CSMD1: variants seen among roughly 807,000 people sequenced by gnomAD.
CSMD1 encodes CUB and sushi domain-containing protein 1.
In CSMD1, 213 loss-of-function variants were observed where a neutral mutation model predicts 417.5. The observed-to-expected ratio is 0.51, with a 90% CI of 0.46 to 0.57. CSMD1 has a LOEUF of 0.57. Ranked by LOEUF, CSMD1 falls within the 20% of genes least tolerant of loss-of-function variation. The pLI is 0.00. For synonymous variants in CSMD1, 2,862 were observed against 1,736.8 expected, an observed-to-expected ratio of 1.65 and a Z score of -16.11; for missense variants, 6,923 against 4,529.7, an observed-to-expected ratio of 1.53 and a Z score of -15.17.
At chr8:4,788,782 T>C (rs550892853) in intron 1 of CSMD1, among the ~76,000 whole-genome samples, 43 of 152,178 alleles carry the variant, frequency 2.8e-4, no homozygotes, top group African/African-American at 9.7e-4. Context: ...AGGGAAACTA[T>C]CATGCTTAAC....
At chr8:4,897,163 G>C (rs1353577962) in intron 1 of CSMD1, among the ~76,000 whole-genome samples, 3 of 152,038 alleles carry the variant, frequency 2.0e-5, no homozygotes, top group Non-Finnish European at 4.4e-5. Context: ...TATCTCCCGA[G>C]TGCAGAAGAG....
At chr8:3,968,165 T>G (rs1812817945) in intron 5 of CSMD1, among the ~76,000 whole-genome samples, 1 of 150,510 alleles carries the variant, frequency 6.6e-6, no homozygotes, top group Non-Finnish European at 1.5e-5. Context: ...CCAGCCTGGG[T>G]GACAGAGCGA....
chr8:4,918,538 A>C (rs1399844234), intron 1 of CSMD1, among the ~76,000 whole-genome samples: 1 of 152,202 alleles, frequency 6.6e-6, no homozygotes, highest in Admixed American at 6.5e-5. Context: ...AATGTGAAAA[A>C]AAAAGCCAAT....
chr8:3,926,026 C>CACACACACACAAACACCATAT (rs1563217933), intron 5 of CSMD1, among the ~76,000 whole-genome samples: 2 of 125,328 alleles, frequency 1.6e-5, no homozygotes, highest in East Asian at 5.0e-4. Flanking sequence ...CACACACACA[C>CACACACACACAAACACCATAT]ACACACACAC....
chr8:3,697,192 A>G (rs1247572734), intron 7 of CSMD1, among the ~76,000 whole-genome samples: 1 of 152,176 alleles, frequency 6.6e-6, no homozygotes, highest in Admixed American at 6.6e-5. Flanking sequence ...CTAAATTATC[A>G]AGTCTGGGCA....
intron 3 of CSMD1, among the ~76,000 whole-genome samples, chr8:4,054,443 G>C (rs534417719): frequency 3.1e-4 from 47 of 152,126 alleles, no homozygotes; most frequent in Non-Finnish European, 5.3e-4. Context: ...TTGTATGGGA[G>C]AGAAGCAAAC....
At chr8:3,790,152 T>C (rs1799656737) in intron 5 of CSMD1, among the ~76,000 whole-genome samples, 2 of 152,248 alleles carry the variant, frequency 1.3e-5, no homozygotes, top group African/African-American at 4.8e-5. Context: ...TTGGCTCACA[T>C]GCCGTTTTAT....
intron 5 of CSMD1, among the ~76,000 whole-genome samples, chr8:3,825,936 T>C (rs1290777888): frequency 5.3e-5 from 8 of 152,320 alleles, no homozygotes; most frequent in African/African-American, 1.9e-4. Context: ...TTTTGATAAA[T>C]TCCAACTTAA....
chr8:4,885,283 A>G (rs527677807), intron 1 of CSMD1, among the ~76,000 whole-genome samples: 1 of 152,158 alleles, frequency 6.6e-6, no homozygotes, highest in East Asian at 1.9e-4. Context: ...GAAATGAGAG[A>G]TAGTTTTCCT....
chr8:4,821,022 A>G (rs1052229174), intron 1 of CSMD1, among the ~76,000 whole-genome samples: 2 of 152,130 alleles, frequency 1.3e-5, no homozygotes, highest in Admixed American at 1.3e-4. Flanking sequence ...CTCAGATCGC[A>G]CGGCTTAGAT....
At chr8:4,503,269 T>G (rs1802351544) in intron 2 of CSMD1, among the ~76,000 whole-genome samples, 1 of 152,272 alleles carries the variant, frequency 6.6e-6, no homozygotes, top group East Asian at 1.9e-4. Context: ...GGCAGCCTGC[T>G]TGACATTTAT....
intron 3 of CSMD1, among the ~76,000 whole-genome samples, chr8:4,177,619 C>G (rs1469008450): frequency 6.8e-6 from 1 of 147,962 alleles, no homozygotes; most frequent in Non-Finnish European, 1.5e-5. Context: ...AATAACCCTT[C>G]AAAAAATTAA....
At chr8:4,630,760 G>C (rs758816725) in intron 2 of CSMD1, among the ~76,000 whole-genome samples, 3 of 152,076 alleles carry the variant, frequency 2.0e-5, no homozygotes, top group Admixed American at 6.6e-5. Context: ...AGGTTTCTAA[G>C]CATTGATGGG....
At chr8:4,748,587 A>G (rs927478364) in intron 1 of CSMD1, among the ~76,000 whole-genome samples, 1 of 152,184 alleles carries the variant, frequency 6.6e-6, no homozygotes, top group Admixed American at 6.5e-5. Flanking sequence ...TTCTGAGAAG[A>G]CTCACGGGGA....
chr8:3,420,668 G>A (rs907975913), intron 12 of CSMD1, among the ~76,000 whole-genome samples: 2 of 152,028 alleles, frequency 1.3e-5, no homozygotes, highest in Non-Finnish European at 2.9e-5. Context: ...TACTGTTCTG[G>A]TTAAAAATTA....
At chr8:4,183,855 A>C (rs1481698859) in intron 3 of CSMD1, among the ~76,000 whole-genome samples, 1 of 152,188 alleles carries the variant, frequency 6.6e-6, no homozygotes, top group Admixed American at 6.5e-5. Context: ...CTACCACTTA[A>C]AACACTCAGT....
intron 1 of CSMD1, among the ~76,000 whole-genome samples, chr8:4,859,076 C>A (rs1187575737): frequency 1.3e-5 from 2 of 152,028 alleles, no homozygotes; most frequent in South Asian, 2.1e-4. Context: ...AGATATAGAT[C>A]AATGGAACAG....
rs115531927 is a variant in CSMD1, at chr8:4,154,122, A to G, written c.416-122023T>C. ...AAAGAGTCAGGAGTCTGGCTTCACA[A>G]TCTGCGACAGCTGAGGGTGAGATAT... On this transcript the variant is annotated intron_variant, in intron 3 of 69. Coordinates refer to ENST00000635120, the MANE Select transcript of CSMD1 (RefSeq NM_033225.6). 5.6e-3 allele frequency among the ~76,000 whole-genome samples: 846 copies of G among 152,328 alleles called. 7 individuals carry two copies. Among genetic ancestry groups the G allele is most frequent in the African/African-American group, 0.019 (785 of 41,582 alleles).
intron 5 of CSMD1, among the ~76,000 whole-genome samples, chr8:3,756,152 C>T (rs959711798): frequency 1.3e-5 from 2 of 151,778 alleles, no homozygotes; most frequent in East Asian, 1.9e-4. Context: ...GTCAGGAGAT[C>T]GAGACCATCA....
Sources: allele counts gnomAD v4.1 joint callset (sites outside exome capture counted in the v4.1 genomes callset), GRCh38; gene constraint gnomAD v4.1.1; transcripts MANE v1.5; gene names NCBI Gene and HGNC (gene_info 2026-07-23, HGNC 2026-07-21).